KDM4C: variants seen among roughly 807,000 people sequenced by gnomAD.
The protein encoded by KDM4C is lysine-specific demethylase 4C.
Under a neutral mutation model 129.3 loss-of-function variants are expected in KDM4C, and 81 were observed. The ratio of observed to expected loss-of-function variants is 0.63; its 90% CI spans 0.52 to 0.75. The LOEUF (loss-of-function observed/expected upper bound fraction) is 0.75, where lower values mean the gene tolerates loss of function less well. KDM4C is among the 30% of genes least tolerant of loss of function. The pLI is 0.00. For synonymous variants in KDM4C, 573 were observed against 456.1 expected (o/e 1.26, Z -3.26); for missense variants, 1,457 against 1,304.0 (o/e 1.12, Z -1.81).
At chr9:6,932,238 G>C (rs1823882935) in intron 8 of KDM4C, among the ~76,000 whole-genome samples, 1 of 152,244 alleles carries the variant, frequency 6.6e-6, no homozygotes, top group Admixed American at 6.5e-5. Flanking sequence ...CTTCAGAACA[G>C]AGTGGAAGCC....
intron 8 of KDM4C, among the ~76,000 whole-genome samples, chr9:6,929,882 A>C (rs1421327697): frequency 6.6e-6 from 1 of 152,326 alleles, no homozygotes; most frequent in Middle Eastern, 3.4e-3. Flanking sequence ...CGATTTCTAC[A>C]ACCCTCTGCC....
At chr9:6,933,251 G>T (rs999713142) in intron 8 of KDM4C, among the ~76,000 whole-genome samples, 1 of 152,186 alleles carries the variant, frequency 6.6e-6, no homozygotes, top group Admixed American at 6.5e-5. Context: ...AATCTGACAG[G>T]TAATTACATC....
intron 17 of KDM4C, among the ~76,000 whole-genome samples, chr9:7,058,684 G>GTTAA (rs1272867007): frequency 6.6e-6 from 1 of 152,136 alleles, no homozygotes; most frequent in Non-Finnish European, 1.5e-5. Context: ...ATTTAAAATG[G>GTTAA]TTAATTATAT....
At chr9:6,750,807 G>C (rs1031872884) in intron 1 of KDM4C, among the ~76,000 whole-genome samples, 1 of 152,172 alleles carries the variant, frequency 6.6e-6, no homozygotes, top group African/African-American at 2.4e-5. Flanking sequence ...GAGCAGCAGT[G>C]GTTTATCATT....
intron 18 of KDM4C, among the ~76,000 whole-genome samples, chr9:7,116,422 A>ACCACCTAAGGTTATG (rs1564138259): frequency 1.6e-5 from 1 of 60,994 alleles, no homozygotes; most frequent in African/African-American, 6.1e-5. Context: ...TTGAGGTTAT[A>ACCACCTAAGGTTATG]TGGACCTTAG....
chr9:6,977,786 A>C (rs1005430790), intron 8 of KDM4C, among the ~76,000 whole-genome samples: 3 of 152,122 alleles, frequency 2.0e-5, no homozygotes, highest in African/African-American at 7.2e-5. Context: ...TCCTGTGACA[A>C]TGGCCCAGTC....
At position 7,011,783 on chromosome 9, in the gene KDM4C, G is replaced by A. The variant is rs1260141619; in HGVS notation, c.1872G>A (p.Lys624=). 7 of 1,614,054 alleles carry A rather than the reference G, an allele frequency of 4.3e-6. No homozygotes were observed. Among genetic ancestry groups the A allele is most frequent in the South Asian group, 1.1e-5 (1 of 91,090 alleles). The change falls in exon 13 of 22, where the codon AAG becomes AAA. Residue 624 remains lysine (K), a synonymous_variant. Coordinates refer to ENST00000381309, the MANE Select transcript of KDM4C (RefSeq NM_015061.6). ...AKPLIHLWQT[K]SPNFAAEQEY... Reference sequence around the variant, plus strand: ...CTCTCATCCACCTTTGGCAGACGAAGTCCCCTAACTTCGCAGCTGAGCAAG... The same window carrying A: ...CTCTCATCCACCTTTGGCAGACGAAATCCCCTAACTTCGCAGCTGAGCAAG...
chr9:6,941,938 T>C (rs1204061813), intron 8 of KDM4C: 1 of 152,190 alleles, frequency 6.6e-6, no homozygotes, highest in Non-Finnish European at 1.5e-5. Flanking sequence ...TTGAATTACA[T>C]TAATTGCCAG....
chr9:6,804,531 G>A (rs1453671257), intron 2 of KDM4C, among the ~76,000 whole-genome samples: 1 of 152,128 alleles, frequency 6.6e-6, no homozygotes, highest in Admixed American at 6.5e-5. Flanking sequence ...AGGCCGAGAC[G>A]GGTGGATCAT....
At chr9:6,742,829 T>C (rs1262505494) in intron 1 of KDM4C, among the ~76,000 whole-genome samples, 2 of 151,588 alleles carry the variant, frequency 1.3e-5, no homozygotes, top group Admixed American at 6.6e-5. Flanking sequence ...ACGCAGAAAA[T>C]GGGGTCAAAA....
intron 15 of KDM4C, among the ~76,000 whole-genome samples, chr9:7,025,877 C>A (rs534971213): frequency 6.6e-6 from 1 of 152,136 alleles, no homozygotes; most frequent in African/African-American, 2.4e-5. Flanking sequence ...CAGTTGATTT[C>A]TTATTACTCA....
chr9:7,072,668 C>T (rs1278733552), intron 17 of KDM4C, among the ~76,000 whole-genome samples: 3 of 152,190 alleles, frequency 2.0e-5, no homozygotes, highest in South Asian at 2.1e-4. Context: ...GCTGATGGCA[C>T]TGTGGTGTAT....
upstream of KDM4C, chr9:6,757,955 G>C: frequency 1.0e-6 from 1 of 985,382 alleles, no homozygotes; most frequent in Non-Finnish European, 1.2e-6. Context: ...GTGACGGCGC[G>C]CGCGCCCTCG....
chr9:7,142,543 A>G (rs956163923), intron 19 of KDM4C, among the ~76,000 whole-genome samples: 5 of 152,218 alleles, frequency 3.3e-5, no homozygotes, highest in African/African-American at 1.2e-4. Context: ...GAGATGGACT[A>G]CATGACTTAC....
At chr9:6,973,773 A>G (rs748293181) in intron 8 of KDM4C, 2 of 152,184 alleles carry the variant, frequency 1.3e-5, no homozygotes, top group African/African-American at 2.4e-5. Context: ...CTTTTAAAAC[A>G]TTATTTCCTC....
chr9:6,731,402 C>A (rs896793342), intron 1 of KDM4C, among the ~76,000 whole-genome samples: 3 of 148,474 alleles, frequency 2.0e-5, no homozygotes, highest in African/African-American at 7.4e-5. Context: ...TCTCAGCTCA[C>A]CGCAACCTCC....
At chr9:6,847,647 C>T (rs1469603496) in intron 4 of KDM4C, among the ~76,000 whole-genome samples, 1 of 152,200 alleles carries the variant, frequency 6.6e-6, no homozygotes, top group Non-Finnish European at 1.5e-5. Context: ...GCCTCGGCCT[C>T]CCAAAGTGCT....
In KDM4C at chr9:7,120,775, C is replaced by T. The variant is rs543860820; in HGVS notation, c.2611-7291C>T. ...TGTTCGTTCTCTCAAGTCTTTCTTA[C>T]ATCATATTTACTGAACTGAAGAATA... On this transcript the variant is annotated intron_variant, in intron 18 of 21. Coordinates refer to ENST00000381309, the MANE Select transcript of KDM4C (RefSeq NM_015061.6). Among the ~76,000 whole-genome samples, 12 of 152,272 alleles carry T rather than the reference C, an allele frequency of 7.9e-5. No individual in the cohort carries two copies. The South Asian group carries it at 2.5e-3, about 32-fold the overall frequency.
At chr9:6,805,464 CTTTTT>C (rs373482627) in intron 2 of KDM4C, 130 bp from the exon 3 acceptor site, 53 of 459,270 alleles carry the variant, frequency 1.2e-4, no homozygotes, top group African/African-American at 8.8e-4. Context: ...AAATATTCAT[CTTTTT>C]TTTTTTTTTT....
Sources: allele counts gnomAD v4.1 joint callset (sites outside exome capture counted in the v4.1 genomes callset), GRCh38; gene constraint gnomAD v4.1.1; transcripts MANE v1.5; gene names NCBI Gene and HGNC (gene_info 2026-07-23, HGNC 2026-07-21).